The following VIPR2 variants were observed in gnomAD, a reference collection of about 807,000 sequenced individuals.
The protein encoded by VIPR2 is vasoactive intestinal peptide receptor 2, also known as vasoactive intestinal polypeptide receptor 2.
Under a neutral mutation model 58.0 loss-of-function variants are expected in VIPR2, and 48 were observed. That is an observed-to-expected ratio of 0.83 (90% CI 0.66 to 1.05). VIPR2 has a LOEUF of 1.05. Ranked by LOEUF, VIPR2 falls within the 50% of genes least tolerant of loss-of-function variation. The probability of loss-of-function intolerance (pLI) is 0.00; values close to 1 mark genes in which losing one functional copy is unlikely to be tolerated. For synonymous variants in VIPR2, 243 were observed against 235.2 expected (o/e 1.03, Z -0.30); for missense variants, 534 against 558.0 (o/e 0.96, Z 0.43).
At chr7:159,050,085 C>T (rs1284798398) in intron 5 of VIPR2, among the ~76,000 whole-genome samples, 1 of 152,074 alleles carries the variant, frequency 6.6e-6, no homozygotes, top group Non-Finnish European at 1.5e-5. Context: ...GCGTGTAATC[C>T]TAGCACTTTG....
chr7:159,090,675 C>T (rs1436499256), intron 4 of VIPR2, among the ~76,000 whole-genome samples: 1 of 130,010 alleles, frequency 7.7e-6, no homozygotes, highest in African/African-American at 3.2e-5. Context: ...AGCAGAGACA[C>T]ACTGGGATCA....
intron 7 of VIPR2, 30 bp from the exon 8 acceptor site, chr7:159,036,042 G>A: frequency 1.9e-6 from 3 of 1,607,034 alleles, no homozygotes; most frequent in Non-Finnish European, 2.5e-6. Context: ...TACACAGGTG[G>A]AGCGGAGCGG....
chr7:159,070,963 C>T (rs556792724), intron 4 of VIPR2, among the ~76,000 whole-genome samples: 4 of 152,294 alleles, frequency 2.6e-5, no homozygotes, highest in South Asian at 2.1e-4. Context: ...CGAAACGGCA[C>T]GCCCACAGAC....
chr7:159,135,754 C>T (rs567866701), intron 2 of VIPR2, among the ~76,000 whole-genome samples: 13 of 152,272 alleles, frequency 8.5e-5, no homozygotes, highest in South Asian at 8.3e-4. Context: ...ACCCAGGAGG[C>T]GGAGGTTGCA....
At chr7:159,067,209 G>A (rs1856145395) in intron 4 of VIPR2, among the ~76,000 whole-genome samples, 1 of 152,182 alleles carries the variant, frequency 6.6e-6, no homozygotes, top group Admixed American at 6.5e-5. Context: ...ACCCACACGA[G>A]CACCTTCCCT....
intron 4 of VIPR2, among the ~76,000 whole-genome samples, chr7:159,072,246 C>T (rs1856447842): frequency 6.6e-6 from 1 of 152,134 alleles, no homozygotes; most frequent in African/African-American, 2.4e-5. Context: ...ACACACATCG[C>T]TAGACTAGCA....
intron 3 of VIPR2, among the ~76,000 whole-genome samples, chr7:159,107,629 C>T (rs1342757937): frequency 2.0e-5 from 3 of 152,190 alleles, no homozygotes; most frequent in Admixed American, 6.5e-5. Flanking sequence ...AGGAGCTGCC[C>T]GCTGCTTCTG....
At chr7:159,144,477 G>A in intron 1 of VIPR2, 13 of 1,540,628 alleles carry the variant, frequency 8.4e-6, no homozygotes, top group Non-Finnish European at 1.1e-5. Flanking sequence ...CCGGACGGTG[G>A]GGCGCGGGGA....
intron 5 of VIPR2, among the ~76,000 whole-genome samples, chr7:159,043,988 T>C (rs1854499925): frequency 6.6e-6 from 1 of 152,120 alleles, no homozygotes; most frequent in African/African-American, 2.4e-5. Context: ...CAGGTGCACG[T>C]TCAGGGCAGA....
chr7:159,127,640 G>A lies in VIPR2; in HGVS notation c.151+14806C>T, dbSNP rs1159816386. Among the ~76,000 whole-genome samples the A allele has an allele frequency of 6.6e-6, 1 of 152,162 alleles. No homozygotes were observed. The highest frequency in any genetic ancestry group is 1.5e-5 in the Non-Finnish European group (1 of 68,038). Reference sequence around the variant, plus strand: ...GGTGGGAGTCTCTTCCACACCTGCAGGGTCCTCGGGGCCCTCAGCTTTGGC... The same window carrying A: ...GGTGGGAGTCTCTTCCACACCTGCAAGGTCCTCGGGGCCCTCAGCTTTGGC... On this transcript the variant is annotated intron_variant, in intron 2 of 12. Transcript: ENST00000262178. The surrounding 1 kb of genome is among the most constrained non-coding windows in gnomAD (Gnocchi z 4.6).
At chr7:159,133,016 T>TTAGAATGATTGG (rs1419498668) in intron 2 of VIPR2, among the ~76,000 whole-genome samples, 1 of 141,896 alleles carries the variant, frequency 7.0e-6, no homozygotes, top group Non-Finnish European at 1.6e-5. Context: ...CAGATTGATT[T>TTAGAATGATTGG]CAGACAGAAT....
intron 6 of VIPR2, among the ~76,000 whole-genome samples, chr7:159,038,727 G>A (rs1854129876): frequency 6.6e-6 from 1 of 152,016 alleles, no homozygotes; most frequent in Admixed American, 6.6e-5. Flanking sequence ...AACAATCTCA[G>A]AATAGAAACC....
At chr7:159,052,430 A>G (rs1341176051) in intron 5 of VIPR2, among the ~76,000 whole-genome samples, 2 of 152,162 alleles carry the variant, frequency 1.3e-5, no homozygotes, top group African/African-American at 4.8e-5. Context: ...CCTGCTCACA[A>G]AAAAAACTCT....
At chr7:159,109,305 G>T (rs925559593) in intron 3 of VIPR2, among the ~76,000 whole-genome samples, 4 of 152,248 alleles carry the variant, frequency 2.6e-5, no homozygotes, top group African/African-American at 9.6e-5. Flanking sequence ...GAAGCCCAGA[G>T]AAACTGCAAA....
chr7:159,064,204 C>T (rs992193063), intron 4 of VIPR2, among the ~76,000 whole-genome samples: 47 of 152,062 alleles, frequency 3.1e-4, no homozygotes, highest in African/African-American at 1.1e-3. Context: ...GGCGGCCCCA[C>T]GCGCCGGGCC....
At chr7:159,125,768 A>C (rs1268212098) in intron 2 of VIPR2, among the ~76,000 whole-genome samples, 8 of 152,070 alleles carry the variant, frequency 5.3e-5, no homozygotes, top group Admixed American at 5.2e-4. Context: ...GTCAGCCTGG[A>C]CACTCAGGGC....
intron 4 of VIPR2, among the ~76,000 whole-genome samples, chr7:159,060,232 C>A (rs1855565317): frequency 6.7e-6 from 1 of 148,670 alleles, no homozygotes; most frequent in Admixed American, 6.7e-5. Context: ...GTACTCACTT[C>A]ACCTAACCAC....
At chr7:159,138,658 C>G (rs565768968) in intron 2 of VIPR2, among the ~76,000 whole-genome samples, 1 of 152,174 alleles carries the variant, frequency 6.6e-6, no homozygotes, top group South Asian at 2.1e-4. Flanking sequence ...AGCAAGATGC[C>G]GAGCACATGT....
Position 159,030,693 on chromosome 7 carries a change from C to T in VIPR2, c.1240G>A (p.Gly414Ser). The change falls in exon 13 of 13, where the codon GGC (glycine) becomes AGC (serine). Residue 414 changes from glycine (G) to serine (S), a missense_variant. Physicochemically the swap from Gly to Ser is moderately conservative, Grantham distance 56. Coordinates refer to ENST00000262178, the MANE Select transcript of VIPR2 (RefSeq NM_003382.5). ...TGGAACTGCAGGGCGCCCTCCGAGC[C>T]GTTGCGGGAGAAGGAGGAACCGCAG... ...RVCGSSFSRN[G>S]SEGALQFHRG... 3 of 1,581,986 alleles carry T rather than the reference C, an allele frequency of 1.9e-6. No homozygotes were observed. The highest frequency in any genetic ancestry group is 2.6e-6 in the Non-Finnish European group (3 of 1,165,376).
Sources: allele counts gnomAD v4.1 joint callset (sites outside exome capture counted in the v4.1 genomes callset), GRCh38; gene constraint gnomAD v4.1.1; non-coding constraint Gnocchi (gnomAD v3.1); transcripts MANE v1.5; gene names NCBI Gene and HGNC (gene_info 2026-07-23, HGNC 2026-07-21).